Variants in FAM133B observed in about 807,000 individuals in gnomAD.
FAM133B encodes the protein family with sequence similarity 133 member B.
FAM133B carries 25 observed loss-of-function variants against 46.4 expected under a neutral mutation model. The ratio of observed to expected loss-of-function variants is 0.54; its 90% CI spans 0.39 to 0.75. The LOEUF is 0.75. Ranked by LOEUF, FAM133B falls within the 30% of genes least tolerant of loss-of-function variation. The probability of loss-of-function intolerance (pLI) is 0.00; values close to 1 mark genes in which losing one functional copy is unlikely to be tolerated. For missense variants in FAM133B, 205 were observed against 277.6 expected, an observed-to-expected ratio of 0.74 and a Z score of 1.86; for synonymous variants, 75 against 86.0, an observed-to-expected ratio of 0.87 and a Z score of 0.71.
At chr7:92,568,257 C>CT (rs1475175379) in intron 9 of FAM133B, among the ~76,000 whole-genome samples, 2 of 152,016 alleles carry the variant, frequency 1.3e-5, no homozygotes, top group Non-Finnish European at 2.9e-5. Flanking sequence ...TTAAGATATA[C>CT]TGTAATGCCA....
intron 8 of FAM133B, among the ~76,000 whole-genome samples, chr7:92,571,560 CT>C (rs1794531237): frequency 6.6e-6 from 1 of 152,152 alleles, no homozygotes. Flanking sequence ...AATAGTCACC[CT>C]TTCTCTAGTT....
chr7:92,568,316 C>T (rs1224001262), intron 9 of FAM133B, among the ~76,000 whole-genome samples: 1 of 151,922 alleles, frequency 6.6e-6, no homozygotes, highest in Non-Finnish European at 1.5e-5. Context: ...CTACAGCCTG[C>T]ATTTTGTTTT....
At chr7:92,577,858 A>C in intron 5 of FAM133B, 141 bp from the exon 6 acceptor site, 1 of 731,628 alleles carries the variant, frequency 1.4e-6, no homozygotes, top group Non-Finnish European at 2.2e-6. Context: ...TGAAAATATA[A>C]AATGTCACAC....
chr7:92,577,401 C>G (rs1794734673), intron 6 of FAM133B: 3 of 440,094 alleles, frequency 6.8e-6, no homozygotes, highest in African/African-American at 6.1e-5. Flanking sequence ...AGTCAAATAG[C>G]ATTTGATTTT....
rs144015708 is a variant in FAM133B, at chr7:92,562,977, C to A, written c.658-609G>T. 1.1e-3 allele frequency among the ~76,000 whole-genome samples: 172 copies of A among 152,198 alleles called. 1 individual carries two copies. Among genetic ancestry groups the A allele is most frequent in the African/African-American group, 3.9e-3 (162 of 41,540 alleles). On this transcript the variant is annotated intron_variant, in intron 10 of 10. Transcript: ENST00000445716. ...TTTTTAGAAGAAAATGCCACTAATG[C>A]CCGGTAGAAGTAGTTAAACTGTGAG...
chr7:92,589,951 GT>G, intron 1 of FAM133B: 1 of 458,558 alleles, frequency 2.2e-6, no homozygotes, highest in Non-Finnish European at 3.9e-6. Flanking sequence ...TGTGGGGGGG[GT>G]TCCCCGAGCC....
At chr7:92,576,435 G>A (rs1445833833) in intron 7 of FAM133B, among the ~76,000 whole-genome samples, 1 of 152,104 alleles carries the variant, frequency 6.6e-6, no homozygotes, top group African/African-American at 2.4e-5. Flanking sequence ...TAGGTATTTT[G>A]CCAGAAGATC....
chr7:92,570,734 T>C (rs922126959), intron 8 of FAM133B, among the ~76,000 whole-genome samples: 4 of 152,112 alleles, frequency 2.6e-5, no homozygotes, highest in Non-Finnish European at 5.9e-5. Context: ...CAAACAAAAA[T>C]GCAGAAAATA....
At chr7:92,590,020 G>C in intron 1 of FAM133B, 3 of 591,448 alleles carry the variant, frequency 5.1e-6, no homozygotes, top group South Asian at 2.0e-5. Context: ...GTGCAAACCA[G>C]CAGCGCCAGA....
intron 10 of FAM133B, 47 bp downstream of exon 10, chr7:92,565,967 C>A (rs763516747): frequency 5.0e-6 from 8 of 1,594,748 alleles, no homozygotes; most frequent in Non-Finnish European, 6.9e-6. Flanking sequence ...TTATATTAAA[C>A]CAAAACACCT....
chr7:92,582,564 G>A (rs975652054), intron 1 of FAM133B, among the ~76,000 whole-genome samples: 3 of 152,104 alleles, frequency 2.0e-5, no homozygotes, highest in Non-Finnish European at 4.4e-5. Flanking sequence ...CACAGAATGA[G>A]AGAAAATATT....
At chr7:92,577,074 C>A (rs1585307914) in intron 7 of FAM133B, 29 bp downstream of exon 7, 2 of 1,295,174 alleles carry the variant, frequency 1.5e-6, no homozygotes, top group Admixed American at 3.1e-5. Context: ...GTCTTTGTAT[C>A]CAATATATTA....
At chr7:92,566,992 C>G (rs893068758) in intron 9 of FAM133B, among the ~76,000 whole-genome samples, 1 of 152,156 alleles carries the variant, frequency 6.6e-6, no homozygotes, top group African/African-American at 2.4e-5. Flanking sequence ...GGGAGAATTG[C>G]TTGAGGCCAG....
chr7:92,588,972 A>T (rs1024165142), intron 1 of FAM133B, among the ~76,000 whole-genome samples: 1 of 152,174 alleles, frequency 6.6e-6, no homozygotes. Flanking sequence ...ACTTTTCTTT[A>T]TAAATTACCC....
intron 8 of FAM133B, among the ~76,000 whole-genome samples, chr7:92,571,401 C>A (rs1794526111): frequency 6.6e-6 from 1 of 152,110 alleles, no homozygotes; most frequent in South Asian, 2.1e-4. Flanking sequence ...TTGTGTTATA[C>A]ATTCTTAGAA....
At chr7:92,571,652 G>T (rs1211505508) in intron 8 of FAM133B, among the ~76,000 whole-genome samples, 3 of 152,098 alleles carry the variant, frequency 2.0e-5, no homozygotes, top group Non-Finnish European at 4.4e-5. Context: ...TTTTCCAAAT[G>T]ATTAGTCATT....
Position 92,561,626 on chromosome 7 carries a change from CAT to C in FAM133B, c.*654_*655del, listed in dbSNP as rs1380385693. The stretch of plus-strand genomic sequence containing the variant: ...TGTTTCTCTGGTTCACTCAAAGCAG[CAT>C]ATGACAGCATCCAAAGATGACACTA... On this transcript the variant is annotated 3_prime_UTR_variant, in exon 11 of 11. Transcript: ENST00000445716. The C allele has an allele frequency of 1.4e-5, 2 of 144,880 alleles. No individual in the cohort carries two copies. Among genetic ancestry groups the C allele is most frequent in the African/African-American group, 2.6e-5 (1 of 39,044 alleles). 9.0% of individuals were successfully genotyped at this position (144,880 alleles called of 1,614,324 possible).
chr7:92,562,412 G>A (rs555131384), intron 10 of FAM133B, 44 bp from the exon 11 acceptor site: 9 of 1,508,122 alleles, frequency 6.0e-6, no homozygotes, highest in East Asian at 5.0e-5. Flanking sequence ...ATAAAAATAC[G>A]CAAATTAAAA....
intron 3 of FAM133B, 87 bp from the exon 4 acceptor site, chr7:92,578,480 C>T: frequency 8.6e-7 from 1 of 1,159,224 alleles, no homozygotes; most frequent in Non-Finnish European, 1.3e-6. Context: ...TTCCTTCCCT[C>T]CATCCTCTTA....
Sources: allele counts gnomAD v4.1 joint callset (sites outside exome capture counted in the v4.1 genomes callset), GRCh38; gene constraint gnomAD v4.1.1; transcripts MANE v1.5; gene names NCBI Gene and HGNC (gene_info 2026-07-23, HGNC 2026-07-21).